The following ISY1 variants were observed in gnomAD, a reference collection of about 807,000 sequenced individuals.
The protein encoded by ISY1 is ISY1 spliceosome associated protein.
ISY1 carries 12 observed loss-of-function variants against 54.4 expected under a neutral mutation model. The observed-to-expected ratio is 0.22, with a 90% CI of 0.14 to 0.36. ISY1 has a LOEUF of 0.36. Among genes scored for constraint, ISY1 ranks in the 10% least tolerant of loss-of-function variants. The probability of loss-of-function intolerance (pLI) is 1.00; values close to 1 mark genes in which losing one functional copy is unlikely to be tolerated. For missense variants in ISY1, 282 were observed against 342.2 expected (o/e 0.82, Z 1.39); for synonymous variants, 96 against 117.9 (o/e 0.81, Z 1.20).
At chr3:129,151,419 G>A (rs1171696312) in intron 5 of ISY1, among the ~76,000 whole-genome samples, 2 of 151,188 alleles carry the variant, frequency 1.3e-5, no homozygotes, top group African/African-American at 4.9e-5. Flanking sequence ...ACCTGAGGTT[G>A]GGAGTTCGAG....
At chr3:129,136,824 G>A (rs1271339856) in intron 7 of ISY1, among the ~76,000 whole-genome samples, 1 of 150,514 alleles carries the variant, frequency 6.6e-6, no homozygotes, top group Non-Finnish European at 1.5e-5. Flanking sequence ...CGAGTAGCTG[G>A]GATTATAGGC....
intron 1 of ISY1, among the ~76,000 whole-genome samples, chr3:129,159,523 AC>A (rs1345577033): frequency 6.6e-6 from 1 of 152,128 alleles, no homozygotes; most frequent in Non-Finnish European, 1.5e-5. Flanking sequence ...GATTATACTT[AC>A]CATGGCATTT....
At chr3:129,159,000 A>G (rs1412765647) in intron 2 of ISY1, among the ~76,000 whole-genome samples, 154 bp downstream of exon 2, 1 of 152,206 alleles carries the variant, frequency 6.6e-6, no homozygotes, top group Non-Finnish European at 1.5e-5. Context: ...GGGCAAAAAC[A>G]GGAATGTTTT....
chr3:129,160,918 G>GCCCCACCCCCC, intron 1 of ISY1, 55 bp downstream of exon 1: 1 of 666,128 alleles, frequency 1.5e-6, no homozygotes, highest in Non-Finnish European at 2.7e-6. Context: ...TGGACTGGGC[G>GCCCCACCCCCC]CCCCCCCGCC....
At position 129,150,440 on chromosome 3, in the gene ISY1, G is replaced by A. The variant is rs765618337; in HGVS notation, c.188-4567C>T. 4.6e-5 allele frequency among the ~76,000 whole-genome samples: 7 copies of A among 152,146 alleles called. No homozygotes were observed. In the East Asian group the frequency reaches 7.7e-4, roughly 17 times the overall value. On this transcript the variant is annotated intron_variant, in intron 5 of 10. Transcript: ENST00000393295. Reference sequence around the variant, plus strand: ...TTTATACCTAAGTATGGCCAGGCGCGGTGGCTCATGCCTGTAATCCCAGCA... The same window carrying A: ...TTTATACCTAAGTATGGCCAGGCGCAGTGGCTCATGCCTGTAATCCCAGCA...
At chr3:129,131,649 T>C (rs1016376322) in intron 9 of ISY1, among the ~76,000 whole-genome samples, 10 of 152,344 alleles carry the variant, frequency 6.6e-5, no homozygotes, top group African/African-American at 2.4e-4. Flanking sequence ...GAATGAACTA[T>C]TGAACTCAAC....
Position 129,156,848 on chromosome 3 carries a change from A to G in ISY1, c.144+7T>C. The G allele has an allele frequency of 6.2e-7, 1 of 1,613,624 alleles. No individual in the cohort carries two copies. The highest frequency in any genetic ancestry group is 2.2e-5 in the East Asian group (1 of 44,846). On this transcript the variant is annotated splice_region_variant and intron_variant, in intron 4 of 10. Transcript: ENST00000393295. ...TTCTACTGAAATCAGATTTACCCAG[A>G]ACATACCTGTCGTCTCCACTTCTCA...
chr3:129,147,743 C>T (rs967628988), intron 5 of ISY1, among the ~76,000 whole-genome samples: 3 of 152,076 alleles, frequency 2.0e-5, no homozygotes, highest in Non-Finnish European at 2.9e-5. Context: ...AAAGTTCCAT[C>T]GCCCCAAAAC....
chr3:129,134,815 A>AG lies in ISY1; in HGVS notation c.541+16_541+17insC. Reference sequence around the variant, plus strand: ...ACAGATGCCATCTATTATGAAATAAAATGCCCAGAGACCTACGTTTCTTTT... The same window carrying AG: ...ACAGATGCCATCTATTATGAAATAAAGATGCCCAGAGACCTACGTTTCTTTT... On this transcript the variant is annotated intron_variant, in intron 8 of 10. Transcript: ENST00000393295. 4 of 1,595,682 alleles carry AG rather than the reference A, an allele frequency of 2.5e-6. No homozygotes were observed. Among genetic ancestry groups the AG allele is most frequent in the Non-Finnish European group, 3.4e-6 (4 of 1,170,246 alleles).
intron 9 of ISY1, among the ~76,000 whole-genome samples, chr3:129,131,029 T>C (rs1456645205): frequency 1.3e-5 from 2 of 151,874 alleles, no homozygotes; most frequent in African/African-American, 2.4e-5. Context: ...AGCTCAGAGG[T>C]TGCCTATGAG....
intron 5 of ISY1, among the ~76,000 whole-genome samples, chr3:129,154,915 C>T (rs1937092473): frequency 6.6e-6 from 1 of 151,678 alleles, no homozygotes; most frequent in African/African-American, 2.4e-5. Context: ...GTCTCGATCT[C>T]CTGACCTCGT....
At chr3:129,132,567 A>G (rs111499155) in intron 9 of ISY1, among the ~76,000 whole-genome samples, 4 of 151,988 alleles carry the variant, frequency 2.6e-5, no homozygotes, top group African/African-American at 9.7e-5. Flanking sequence ...GATCATCCTA[A>G]TCTCAGCTGA....
intron 2 of ISY1, among the ~76,000 whole-genome samples, chr3:129,158,783 A>G (rs961417019): frequency 6.6e-6 from 1 of 152,210 alleles, no homozygotes; most frequent in Non-Finnish European, 1.5e-5. Context: ...AATCTATTTT[A>G]CTTACACTAC....
chr3:129,153,224 G>A (rs1203926510), intron 5 of ISY1, among the ~76,000 whole-genome samples: 1 of 151,836 alleles, frequency 6.6e-6, no homozygotes, highest in Admixed American at 6.6e-5. Context: ...TGGCCAGCCT[G>A]GTCTTGAACT....
rs758635082 is a variant in ISY1 at position 129,156,690 on chromosome 3, T to A, written c.145-15A>T. 2 of 1,588,306 alleles carry A rather than the reference T, an allele frequency of 1.3e-6. No individual in the cohort carries two copies. Among genetic ancestry groups the A allele is most frequent in the African/African-American group, 2.7e-5 (2 of 73,492 alleles). On this transcript the variant is annotated splice_polypyrimidine_tract_variant and intron_variant, in intron 4 of 10. Transcript: ENST00000393295. Reference sequence around the variant, plus strand: ...TCTCCAATGATCTATTAAAAAAAAGTAATACATTTTAATAATTTTTGAATA... The same window carrying A: ...TCTCCAATGATCTATTAAAAAAAAGAAATACATTTTAATAATTTTTGAATA...
intron 6 of ISY1, among the ~76,000 whole-genome samples, chr3:129,142,357 T>C (rs1453026892): frequency 4.6e-5 from 7 of 152,162 alleles, no homozygotes; most frequent in Non-Finnish European, 1.0e-4. Flanking sequence ...CAAGTTAAAT[T>C]TCTTAAACTT....
intron 5 of ISY1, among the ~76,000 whole-genome samples, chr3:129,148,128 C>T (rs1019276484): frequency 8.5e-5 from 13 of 152,054 alleles, no homozygotes; most frequent in African/African-American, 3.1e-4. Flanking sequence ...GGTGCCTAGC[C>T]TATATGTTTG....
At chr3:129,151,249 ACTT>A (rs1267137298) in intron 5 of ISY1, among the ~76,000 whole-genome samples, 2 of 150,950 alleles carry the variant, frequency 1.3e-5, no homozygotes, top group Non-Finnish European at 2.9e-5. Flanking sequence ...TGTATATTGA[ACTT>A]CTTTTCTGTG....
intron 5 of ISY1, among the ~76,000 whole-genome samples, chr3:129,155,201 TTTTG>T (rs200072498): frequency 0.022 from 3,295 of 151,596 alleles, 36 homozygotes; most frequent in Middle Eastern, 0.037. Flanking sequence ...TATATGTATT[TTTTG>T]TTTGTTTGTT....
Sources: gnomAD v4.1 joint callset for allele counts (sites outside exome capture counted in the v4.1 genomes callset) on GRCh38, gnomAD v4.1.1 for gene constraint, MANE v1.5 for transcripts, NCBI Gene and HGNC (gene_info 2026-07-23, HGNC 2026-07-21) for gene names.